Variants in CDC42BPA observed in about 807,000 individuals in gnomAD.
CDC42BPA encodes CDC42 binding protein kinase alpha.
In CDC42BPA, 80 loss-of-function variants were observed where a neutral mutation model predicts 223.5. The observed-to-expected ratio is 0.36, with a 90% CI of 0.30 to 0.43. The LOEUF is 0.43. Among genes scored for constraint, CDC42BPA ranks in the 20% least tolerant of loss-of-function variants. The pLI is 1.00. For missense variants in CDC42BPA, 1,743 were observed against 2,099.9 expected (o/e 0.83, Z 3.32); for synonymous variants, 694 against 718.6 (o/e 0.97, Z 0.55).
chr1:227,021,399 C>T (rs1018620191), intron 32 of CDC42BPA, among the ~76,000 whole-genome samples: 15 of 152,102 alleles, frequency 9.9e-5, no homozygotes, highest in Non-Finnish European at 2.1e-4. Flanking sequence ...ATTAACTTCA[C>T]GGGGTATCCA....
intron 12 of CDC42BPA, among the ~76,000 whole-genome samples, chr1:227,117,515 T>C (rs1159330252): frequency 1.3e-5 from 2 of 151,964 alleles, no homozygotes; most frequent in Admixed American, 6.6e-5. Flanking sequence ...TCTCATTCTG[T>C]TGTTGCCTAG....
chr1:227,015,944 A>G (rs1666145651), intron 34 of CDC42BPA, 136 bp downstream of exon 34: 3 of 626,258 alleles, frequency 4.8e-6, no homozygotes, highest in Non-Finnish European at 5.7e-6. Context: ...TATCTTAGAC[A>G]TATTGTGGTA....
At chr1:227,188,921 G>A (rs1669265444) in intron 5 of CDC42BPA, among the ~76,000 whole-genome samples, 1 of 152,106 alleles carries the variant, frequency 6.6e-6, no homozygotes, top group African/African-American at 2.4e-5. Context: ...CATGTTGATA[G>A]TGGGGGAGGC....
intron 9 of CDC42BPA, among the ~76,000 whole-genome samples, chr1:227,140,590 A>C (rs1011130328): frequency 2.0e-5 from 3 of 152,106 alleles, no homozygotes; most frequent in Non-Finnish European, 4.4e-5. Flanking sequence ...AAACAAGGAA[A>C]AATAAACTCA....
At chr1:227,036,354 C>T (rs1027662511) in intron 24 of CDC42BPA, among the ~76,000 whole-genome samples, 2 of 151,618 alleles carry the variant, frequency 1.3e-5, no homozygotes, top group African/African-American at 4.9e-5. Context: ...TCAAAATGAT[C>T]CTCCTGTCTT....
chr1:227,225,301 T>A (rs774736417), intron 2 of CDC42BPA, among the ~76,000 whole-genome samples: 4 of 152,176 alleles, frequency 2.6e-5, no homozygotes, highest in Non-Finnish European at 4.4e-5. Flanking sequence ...CTCAAGGGCA[T>A]GTAAATTACT....
At chr1:227,182,257 A>G (rs1668071354) in intron 5 of CDC42BPA, among the ~76,000 whole-genome samples, 1 of 152,222 alleles carries the variant, frequency 6.6e-6, no homozygotes, top group African/African-American at 2.4e-5. Flanking sequence ...CTACATGTTA[A>G]TAACACCCAA....
At chr1:227,065,122 AAATT>A (rs1247513052) in intron 21 of CDC42BPA, among the ~76,000 whole-genome samples, 1 of 151,644 alleles carries the variant, frequency 6.6e-6, no homozygotes, top group Non-Finnish European at 1.5e-5. Context: ...ATAAATAAAT[AAATT>A]AACTCAAACC....
intron 16 of CDC42BPA, 115 bp downstream of exon 16, chr1:227,091,771 G>T: frequency 1.8e-6 from 1 of 541,818 alleles, no homozygotes; most frequent in East Asian, 3.1e-5. Context: ...ACATAACTCA[G>T]GAGAAAGACT....
At position 227,001,051 on chromosome 1, in the gene CDC42BPA, G is replaced by A. The variant is rs6680937; in HGVS notation, c.4975+3943C>T. Among the ~76,000 whole-genome samples, 1,218 of 152,256 alleles carry A rather than the reference G, an allele frequency of 8.0e-3. 12 individuals carry two copies. The highest frequency in any genetic ancestry group is 0.011 in the Non-Finnish European group (738 of 68,006). ...GTGAGCCCCTACTGCTGACAGGAGC[G>A]GGTCTCATTCCTCAGGTGAACTAGG... On this transcript the variant is annotated intron_variant, in intron 35 of 36. Coordinates refer to ENST00000366766, the MANE Select transcript of CDC42BPA (RefSeq NM_001394014.1).
At chr1:227,006,949 T>TCAA (rs58305329) in intron 34 of CDC42BPA, among the ~76,000 whole-genome samples, 20,421 of 147,982 alleles carry the variant, frequency 0.14, 1,406 homozygotes, top group Admixed American at 0.19. Flanking sequence ...AGACTCCGTC[T>TCAA]CAACAACAAC....
chr1:227,227,859 T>C, intron 2 of CDC42BPA, among the ~76,000 whole-genome samples: 1 of 152,318 alleles, frequency 6.6e-6, no homozygotes, highest in East Asian at 1.9e-4. Flanking sequence ...TGCATGTCTA[T>C]ACACTAGTAA....
intron 2 of CDC42BPA, chr1:227,235,181 G>A (rs186096526): frequency 6.6e-6 from 1 of 152,310 alleles, no homozygotes; most frequent in East Asian, 1.9e-4. Flanking sequence ...TACACCATCT[G>A]CAGCCTGGTC....
At chr1:227,088,280 A>G (rs4653479) in intron 16 of CDC42BPA, among the ~76,000 whole-genome samples, 96,191 of 152,070 alleles carry the variant, frequency 0.63, 30,571 homozygotes, top group East Asian at 0.72. Flanking sequence ...AAGTAATTCC[A>G]AAGATGACCT....
intron 12 of CDC42BPA, among the ~76,000 whole-genome samples, chr1:227,117,793 A>G (rs1688004295): frequency 6.6e-6 from 1 of 152,146 alleles, no homozygotes; most frequent in Non-Finnish European, 1.5e-5. Flanking sequence ...ATCTGGCCAC[A>G]ACAAACCTAA....
chr1:227,274,243 C>A (rs1242596527), intron 1 of CDC42BPA, among the ~76,000 whole-genome samples: 1 of 152,120 alleles, frequency 6.6e-6, no homozygotes, highest in Non-Finnish European at 1.5e-5. Flanking sequence ...TCTCCACCTT[C>A]CACACCTTAT....
At chr1:227,190,139 T>C (rs577685611) in intron 5 of CDC42BPA, among the ~76,000 whole-genome samples, 12 of 152,348 alleles carry the variant, frequency 7.9e-5, no homozygotes, top group African/African-American at 2.2e-4. Context: ...TACCTTCTTA[T>C]GTGCTTTTCT....
At chr1:227,015,503 C>T (rs780348569) in intron 34 of CDC42BPA, among the ~76,000 whole-genome samples, 3 of 152,134 alleles carry the variant, frequency 2.0e-5, no homozygotes, top group Admixed American at 2.0e-4. Context: ...AATCCTCATG[C>T]CTTGGCCTCA....
chr1:227,125,762 T>C (rs985507776), intron 11 of CDC42BPA, among the ~76,000 whole-genome samples: 1 of 152,048 alleles, frequency 6.6e-6, no homozygotes, highest in Non-Finnish European at 1.5e-5. Context: ...CAAAGCATAC[T>C]GTATTTTCAA....
Sources: gnomAD v4.1 joint callset for allele counts (sites outside exome capture counted in the v4.1 genomes callset) on GRCh38, gnomAD v4.1.1 for gene constraint, MANE v1.5 for transcripts, NCBI Gene and HGNC (gene_info 2026-07-23, HGNC 2026-07-21) for gene names.